Variants in CWC25 observed in about 807,000 individuals in gnomAD.
The protein encoded by CWC25 is CWC25 spliceosome associated protein.
A neutral mutation model predicts 54.6 loss-of-function variants in CWC25; 31 were observed. The ratio of observed to expected loss-of-function variants is 0.57; its 90% confidence interval spans 0.43 to 0.77. The LOEUF is 0.77. Ranked by LOEUF, CWC25 falls within the 30% of genes least tolerant of loss-of-function variation. The pLI is 0.00. For synonymous variants in CWC25, 151 were observed against 187.0 expected, an observed-to-expected ratio of 0.81 and a Z score of 1.57; for missense variants, 453 against 529.3, an observed-to-expected ratio of 0.86 and a Z score of 1.41.
chr17:38,819,071 C>T (rs1006337688), intron 2 of CWC25, among the ~76,000 whole-genome samples: 8 of 151,764 alleles, frequency 5.3e-5, no homozygotes, highest in African/African-American at 1.7e-4. Flanking sequence ...TCACCCAGGC[C>T]GAAGTCAGTG....
Position 38,802,225 on chromosome 17 carries a change from C to T in CWC25, c.1164-19G>A. 6.5e-7 allele frequency: 1 copy of T among 1,536,394 alleles called. No individual in the cohort carries two copies. The highest frequency in any genetic ancestry group is 9.0e-7 in the Non-Finnish European group (1 of 1,113,660). ...CATGCGGCTAGGAAGAGAAGACAGGCAAATGCAAGTCAAAAACATTTTCAA... is the reference window on the plus strand; with the variant it reads ...CATGCGGCTAGGAAGAGAAGACAGGTAAATGCAAGTCAAAAACATTTTCAA... On this transcript the variant is annotated intron_variant, in intron 9 of 9. Coordinates refer to ENST00000614790, the MANE Select transcript of CWC25 (RefSeq NM_017748.5).
At position 38,816,698 on chromosome 17, in the gene CWC25, T is replaced by TC. The variant is rs1555548673; in HGVS notation, c.192-1602dup. 5.3e-5 allele frequency among the ~76,000 whole-genome samples: 8 copies of TC among 151,606 alleles called. No homozygotes were observed. In the South Asian group the frequency reaches 8.3e-4, roughly 16 times the overall value. On this transcript the variant is annotated intron_variant, in intron 2 of 9. Coordinates refer to ENST00000614790, the MANE Select transcript of CWC25 (RefSeq NM_017748.5). ...TGCAGGGCCATGACCCTTTTTTTTT[T>TC]CCCCCAGACAGAGTTTCACTCTGTT...
Position 38,810,491 on chromosome 17 carries a change from G to C in CWC25, c.603C>G (p.Ser201Arg). ...ACCTCCCTGCACTGTGCTCATCCTCGCTGCTGGAACGATCACTACTCGAGC... is the reference window on the plus strand; with the variant it reads ...ACCTCCCTGCACTGTGCTCATCCTCCCTGCTGGAACGATCACTACTCGAGC... The part of the protein sequence containing the change: ...HRSSSSDRSS[S>R]EDEHSAGRSQ... Residue 201 changes from serine to arginine, a missense_variant, in exon 5 of 10, where the codon AGC becomes AGG. Physicochemically the swap from Ser to Arg is moderately radical, Grantham distance 110. Around this residue, in one of 2 missense-constraint regions of CWC25, gnomAD observed 444 missense variants for 499.2 expected, o/e 0.89. Transcript: ENST00000614790. The C allele has an allele frequency of 1.2e-6, 2 of 1,601,986 alleles. No homozygotes were observed. Among genetic ancestry groups the C allele is most frequent in the Non-Finnish European group, 1.7e-6 (2 of 1,174,292 alleles).
At chr17:38,809,442 C>CA (rs1403031709) in intron 6 of CWC25, among the ~76,000 whole-genome samples, 1 of 137,352 alleles carries the variant, frequency 7.3e-6, no homozygotes, top group African/African-American at 2.6e-5. Flanking sequence ...AAAAAAAAAA[C>CA]AAAAAAACCT....
intron 6 of CWC25, among the ~76,000 whole-genome samples, chr17:38,809,027 G>A (rs1218846747): frequency 6.7e-6 from 1 of 149,516 alleles, no homozygotes; most frequent in African/African-American, 2.5e-5. Context: ...TCAGAAGATT[G>A]CTTAAGCTCA....
chr17:38,819,342 G>T (rs1335782652), intron 2 of CWC25, among the ~76,000 whole-genome samples: 1 of 149,410 alleles, frequency 6.7e-6, no homozygotes, highest in Non-Finnish European at 1.5e-5. Flanking sequence ...TGGGATTACA[G>T]GCATGTGCCA....
rs1911545852 is a variant in CWC25 at position 38,812,860 on chromosome 17, T to C, written c.433A>G (p.Lys145Glu). 2 of 1,501,662 alleles carry C rather than the reference T, an allele frequency of 1.3e-6. No homozygotes were observed. Among genetic ancestry groups the C allele is most frequent in the East Asian group, 2.5e-5 (1 of 40,680 alleles). The allele number at this position is 1,501,662 out of a possible 1,614,324, so 93.0% of individuals were successfully genotyped here. A position where few individuals can be genotyped will look rare whatever the true frequency, so the allele number is the denominator to read the frequency against. The change falls in exon 4 of 10, where the codon AAG becomes GAG. Residue 145 changes from lysine (K) to glutamate (E), a missense_variant. Transcript: ENST00000614790. ...ACCTCTCGTTTTTTCTCCTCCTCCT[T>C]CTTCCTAAAGAGAGATAATTACAAA... ...REDPLFIIRK[K>E]EEEKKREVLN... is the part of the protein sequence containing the mutation.
rs1411693368 is a variant in CWC25 at position 38,801,145 on chromosome 17, C to G, written c.*947G>C. The G allele has an allele frequency of 4.6e-5, 7 of 151,928 alleles. No individual in the cohort carries two copies. The highest frequency in any genetic ancestry group is 1.3e-4 in the Admixed American group (2 of 15,256). 9.4% of individuals were successfully genotyped at this position (151,928 alleles called of 1,614,324 possible). ...AGACTAGCAAACAACTCCTGAAAAT[C>G]TGTAATTGTAGTAAGGTTACTACAC... On this transcript the variant is annotated 3_prime_UTR_variant, in exon 10 of 10. Transcript: ENST00000614790.
chr17:38,821,180 G>A (rs1231568561), intron 1 of CWC25, 107 bp from the exon 2 acceptor site: 3 of 1,059,590 alleles, frequency 2.8e-6, no homozygotes, highest in Non-Finnish European at 4.1e-6. Flanking sequence ...GGCGTGTGAG[G>A]GCAAGATGTC....
intron 2 of CWC25, among the ~76,000 whole-genome samples, chr17:38,817,850 C>T (rs1911764558): frequency 6.6e-6 from 1 of 151,830 alleles, no homozygotes; most frequent in South Asian, 2.1e-4. Flanking sequence ...CCTGTAATCC[C>T]AGCTACTCAG....
At chr17:38,816,930 C>G (rs1253703629) in intron 2 of CWC25, among the ~76,000 whole-genome samples, 2 of 151,738 alleles carry the variant, frequency 1.3e-5, no homozygotes, top group Non-Finnish European at 2.9e-5. Flanking sequence ...GATCTGCCAG[C>G]CTTGGCCTCC....
intron 4 of CWC25, among the ~76,000 whole-genome samples, chr17:38,812,569 G>A (rs963762847): frequency 6.6e-6 from 1 of 152,090 alleles, no homozygotes; most frequent in Non-Finnish European, 1.5e-5. Flanking sequence ...GGAGGTTGCG[G>A]TGAGCTGAGA....
chr17:38,819,723 C>T (rs1911848917), intron 2 of CWC25, among the ~76,000 whole-genome samples: 1 of 150,580 alleles, frequency 6.6e-6, no homozygotes, highest in Non-Finnish European at 1.5e-5. Context: ...CAATCTGTCG[C>T]CCAGGCTGGA....
chr17:38,804,783 G>A (rs1366353392), intron 8 of CWC25, among the ~76,000 whole-genome samples: 1 of 137,604 alleles, frequency 7.3e-6, no homozygotes, highest in Admixed American at 7.6e-5. Flanking sequence ...GCTGCAGCCT[G>A]GGCGACAGAG....
At chr17:38,806,011 C>T (rs532875070) in intron 8 of CWC25, among the ~76,000 whole-genome samples, 1 of 151,942 alleles carries the variant, frequency 6.6e-6, no homozygotes, top group Admixed American at 6.6e-5. Flanking sequence ...GGGGTTTCAC[C>T]GTGTTGGTTA....
At chr17:38,809,809 T>C (rs529836159) in intron 5 of CWC25, 44 bp from the exon 6 acceptor site, 28 of 1,546,734 alleles carry the variant, frequency 1.8e-5, no homozygotes, top group Middle Eastern at 3.4e-4. Context: ...AGAAAATATA[T>C]ATAGGTCCAA....
intron 6 of CWC25, among the ~76,000 whole-genome samples, chr17:38,807,655 T>G (rs146368550): frequency 1.5e-5 from 2 of 132,540 alleles, no homozygotes; most frequent in African/African-American, 5.5e-5. Flanking sequence ...ACTCAGGAGG[T>G]TGAGGCAGAA....
intron 8 of CWC25, among the ~76,000 whole-genome samples, chr17:38,804,970 G>C (rs1009651560): frequency 6.6e-6 from 1 of 152,078 alleles, no homozygotes; most frequent in Non-Finnish European, 1.5e-5. Flanking sequence ...AGCTGGGTGT[G>C]GTGGCACATG....
At chr17:38,813,243 C>T (rs879510269) in intron 3 of CWC25, among the ~76,000 whole-genome samples, 12 of 151,900 alleles carry the variant, frequency 7.9e-5, no homozygotes, top group Admixed American at 2.6e-4. Flanking sequence ...AGGCGGATCA[C>T]TTGAGGTCAG....
Sources: gnomAD v4.1 joint callset for allele counts (sites outside exome capture counted in the v4.1 genomes callset) on GRCh38, gnomAD v4.1.1 for gene constraint, gnomAD v4.1.1 regional missense constraint, MANE v1.5 for transcripts, NCBI Gene and HGNC (gene_info 2026-07-23, HGNC 2026-07-21) for gene names.